Variants in NCOR2 observed in about 807,000 individuals in gnomAD.
NCOR2 encodes the protein nuclear receptor corepressor 2.
A neutral mutation model predicts 262.9 loss-of-function variants in NCOR2; 81 were observed. The ratio of observed to expected loss-of-function variants is 0.31; its 90% confidence interval spans 0.26 to 0.37. The LOEUF is 0.37. Among genes scored for constraint, NCOR2 ranks in the 10% least tolerant of loss-of-function variants. The pLI is 1.00. For missense variants in NCOR2, 3,385 were observed against 3,621.4 expected, an observed-to-expected ratio of 0.93 and a Z score of 1.68; for synonymous variants, 1,659 against 1,559.3, an observed-to-expected ratio of 1.06 and a Z score of -1.51.
At chr12:124,516,442 C>T (rs558304218) in intron 1 of NCOR2, among the ~76,000 whole-genome samples, 1 of 152,312 alleles carries the variant, frequency 6.6e-6, no homozygotes, top group African/African-American at 2.4e-5. Flanking sequence ...ACTCGACCTA[C>T]CTCCCATTAT....
intron 16 of NCOR2, chr12:124,388,876 G>T: frequency 4.1e-6 from 4 of 967,744 alleles, no homozygotes; most frequent in Non-Finnish European, 5.2e-6. Context: ...GAGGGAGGGA[G>T]GGAGGGAGGG....
chr12:124,451,690 G>C (rs938310882), intron 6 of NCOR2, among the ~76,000 whole-genome samples: 2 of 152,192 alleles, frequency 1.3e-5, no homozygotes, highest in Admixed American at 1.3e-4. Context: ...TACAGAGTGT[G>C]AGTGATCAGA....
intron 42 of NCOR2, among the ~76,000 whole-genome samples, chr12:124,332,789 G>A (rs1224435859): frequency 6.6e-6 from 1 of 152,094 alleles, no homozygotes; most frequent in East Asian, 1.9e-4. Context: ...GGGGCAGCGG[G>A]CCCAGCTTCC....
intron 1 of NCOR2, among the ~76,000 whole-genome samples, chr12:124,521,297 C>T (rs1370666326): frequency 6.6e-6 from 1 of 152,236 alleles, no homozygotes; most frequent in African/African-American, 2.4e-5. Flanking sequence ...GTGAGCCAGA[C>T]ACGTCTGGCT....
In NCOR2 at chr12:124,378,065, T is replaced by C. The variant is rs1259226848; in HGVS notation, c.2167+172A>G. 6.6e-6 allele frequency among the ~76,000 whole-genome samples: 1 copy of C among 152,062 alleles called. No homozygotes were observed. The highest frequency in any genetic ancestry group is 1.5e-5 in the Non-Finnish European group (1 of 68,006). On this transcript the variant is annotated intron_variant, in intron 18 of 46. Coordinates refer to ENST00000405201, the Ensembl canonical transcript of NCOR2. The surrounding 1 kb of genome is among the most constrained non-coding windows in gnomAD (Gnocchi z 4.2). ...TGGCCTTCATCCTTGTGCCCATTACTGGTGAGTTTCTGGCAAGTCAGGCCC... is the reference window on the plus strand; with the variant it reads ...TGGCCTTCATCCTTGTGCCCATTACCGGTGAGTTTCTGGCAAGTCAGGCCC...
At chr12:124,426,000 CA>C (rs2043521588) in intron 11 of NCOR2, among the ~76,000 whole-genome samples, 1 of 152,140 alleles carries the variant, frequency 6.6e-6, no homozygotes, top group Non-Finnish European at 1.5e-5. Flanking sequence ...AAAGACAAAA[CA>C]AAATAGAAAC....
chr12:124,376,113 T>C (rs1272301163), intron 18 of NCOR2, among the ~76,000 whole-genome samples: 1 of 152,174 alleles, frequency 6.6e-6, no homozygotes, highest in Non-Finnish European at 1.5e-5. Context: ...TAAGATGGGC[T>C]AACACCCTGG....
chr12:124,340,481 C>G (rs1350069705), intron 35 of NCOR2, 38 bp from the exon 38 acceptor site: 9 of 1,598,224 alleles, frequency 5.6e-6, no homozygotes, highest in Non-Finnish European at 7.7e-6. Flanking sequence ...GCCCCAGGGC[C>G]GAAGAAGAGC....
At chr12:124,397,117 G>A (rs1304288538) in intron 16 of NCOR2, among the ~76,000 whole-genome samples, 1 of 152,196 alleles carries the variant, frequency 6.6e-6, no homozygotes, top group Non-Finnish European at 1.5e-5. Context: ...GGCGGGGACA[G>A]GAGCAGGCCC....
chr12:124,377,199 G>A (rs2040072272), intron 18 of NCOR2, among the ~76,000 whole-genome samples: 1 of 152,202 alleles, frequency 6.6e-6, no homozygotes, highest in South Asian at 2.1e-4. Flanking sequence ...TCCTGCATTT[G>A]AGGGGACTCG....
intron 1 of NCOR2, among the ~76,000 whole-genome samples, chr12:124,516,484 T>A (rs1015281759): frequency 6.6e-6 from 1 of 152,024 alleles, no homozygotes; most frequent in Non-Finnish European, 1.5e-5. Flanking sequence ...ACATGAGAGC[T>A]CTCTGCAAAG....
intron 27 of NCOR2, 98 bp from the exon 30 acceptor site, chr12:124,350,835 C>G (rs1659241178): frequency 1.4e-5 from 18 of 1,299,830 alleles, no homozygotes; most frequent in Non-Finnish European, 1.9e-5. Flanking sequence ...CATGTGCCCA[C>G]CGATGCACAC....
rs2050274211 is a variant in NCOR2, at chr12:124,523,072, G to A, written c.-118+12493C>T. On this transcript the variant is annotated intron_variant, in intron 1 of 46. Coordinates refer to the NCOR2 transcript ENST00000404621. This position sits in a 1 kb window ranked among gnomAD's most constrained non-coding sequence, Gnocchi z 4.0. Reference sequence around the variant, plus strand: ...AAATGCATCCTATTTCCCCATCCAGGCCCGGGATTCTTCTCCACAAAAGCA... The same window carrying A: ...AAATGCATCCTATTTCCCCATCCAGACCCGGGATTCTTCTCCACAAAAGCA... 6.6e-6 allele frequency among the ~76,000 whole-genome samples: 1 copy of A among 152,186 alleles called. No homozygotes were observed. Among genetic ancestry groups the A allele is most frequent in the South Asian group, 2.1e-4 (1 of 4,824 alleles).
At chr12:124,350,541 C>T in intron 28 of NCOR2, 46 bp downstream of exon 30, 1 of 1,586,378 alleles carries the variant, frequency 6.3e-7, no homozygotes, top group Admixed American at 1.7e-5. Context: ...GTGGGCCAAG[C>T]ACACTCCTCC....
At chr12:124,419,692 G>T (rs531442951) in intron 13 of NCOR2, among the ~76,000 whole-genome samples, 11 of 152,372 alleles carry the variant, frequency 7.2e-5, no homozygotes, top group Admixed American at 5.9e-4. Flanking sequence ...ACAGGCTGAG[G>T]AGGCCCGTGG....
rs1184289636 is a variant in NCOR2, at chr12:124,443,401, AAC to A, written c.816-5407_816-5406del. Among the ~76,000 whole-genome samples, 1 of 152,226 alleles carries A rather than the reference AAC, an allele frequency of 6.6e-6. No homozygotes were observed. The highest frequency in any genetic ancestry group is 1.5e-5 in the Non-Finnish European group (1 of 68,028). ...CGCAAGAGGACACGTCAAGTCTGCA[AAC>A]ACATGTCAAGTCCGCAGGGTGCAAA... On this transcript the variant is annotated intron_variant, in intron 7 of 46. Coordinates refer to ENST00000405201, the Ensembl canonical transcript of NCOR2. The surrounding 1 kb of genome is among the most constrained non-coding windows in gnomAD (Gnocchi z 4.4).
At chr12:124,455,689 C>G (rs534048982) in intron 6 of NCOR2, among the ~76,000 whole-genome samples, 3 of 152,364 alleles carry the variant, frequency 2.0e-5, no homozygotes, top group African/African-American at 7.2e-5. Context: ...AGGAGCTGCA[C>G]TAGGTGAGCC....
intron 20 of NCOR2, among the ~76,000 whole-genome samples, chr12:124,364,817 C>T (rs1196882931): frequency 6.6e-6 from 1 of 152,248 alleles, no homozygotes; most frequent in Admixed American, 6.5e-5. Flanking sequence ...TTGACTCCCT[C>T]CTGCAACCTG....
chr12:124,413,914 G>T (rs1175309076), intron 13 of NCOR2, among the ~76,000 whole-genome samples: 2 of 151,286 alleles, frequency 1.3e-5, no homozygotes, highest in African/African-American at 4.8e-5. Context: ...GTGGCGGGGG[G>T]TACTGAGCCC....
Sources: allele counts gnomAD v4.1 joint callset (sites outside exome capture counted in the v4.1 genomes callset), GRCh38; gene constraint gnomAD v4.1.1; non-coding constraint Gnocchi (gnomAD v3.1); transcripts MANE v1.5; gene names NCBI Gene and HGNC (gene_info 2026-07-23, HGNC 2026-07-21).